Variants in NIBAN2 observed in about 807,000 individuals in gnomAD.
The protein encoded by NIBAN2 is niban apoptosis regulator 2, also known as protein Niban 2.
NIBAN2 carries 36 observed loss-of-function variants against 81.8 expected under a neutral mutation model. The ratio of observed to expected loss-of-function variants is 0.44; its 90% CI spans 0.34 to 0.58. NIBAN2 has a LOEUF of 0.58. NIBAN2 is among the 20% of genes least tolerant of loss of function. The pLI is 0.02. For synonymous variants in NIBAN2, 445 were observed against 441.6 expected, an observed-to-expected ratio of 1.01 and a Z score of -0.10; for missense variants, 897 against 1,014.1, an observed-to-expected ratio of 0.88 and a Z score of 1.57.
At chr9:127,575,466 T>A (rs551277395) in intron 1 of NIBAN2, among the ~76,000 whole-genome samples, 1 of 149,920 alleles carries the variant, frequency 6.7e-6, no homozygotes, top group African/African-American at 2.5e-5. Context: ...GACCTCGTGA[T>A]CCACCCACCC....
At chr9:127,533,175 G>A (rs757467652) in intron 1 of NIBAN2, among the ~76,000 whole-genome samples, 75 of 151,764 alleles carry the variant, frequency 4.9e-4, no homozygotes, top group South Asian at 1.0e-3. Context: ...CAAAACAAAA[G>A]GCTGGGCACG....
At chr9:127,525,334 AG>A (rs1837044058) in intron 3 of NIBAN2, among the ~76,000 whole-genome samples, 171 bp from the exon 4 acceptor site, 1 of 152,182 alleles carries the variant, frequency 6.6e-6, no homozygotes, top group African/African-American at 2.4e-5. Context: ...TGATTGGGGC[AG>A]TGTGGCATCC....
intron 1 of NIBAN2, among the ~76,000 whole-genome samples, chr9:127,553,649 G>A (rs1837617497): frequency 6.6e-6 from 1 of 152,230 alleles, no homozygotes; most frequent in South Asian, 2.1e-4. Flanking sequence ...GCCTCGTGCA[G>A]CGCATGCTTC....
At chr9:127,515,990 G>T (rs1323791856) in intron 8 of NIBAN2, among the ~76,000 whole-genome samples, 1 of 151,944 alleles carries the variant, frequency 6.6e-6, no homozygotes, top group African/African-American at 2.4e-5. Context: ...ATACAAAAAT[G>T]TGCTGGGCGT....
rs751800076 is a variant in NIBAN2, at chr9:127,508,397, C to CG, written c.1434+24dup. On this transcript the variant is annotated intron_variant, in intron 11 of 13. Coordinates refer to ENST00000373312, the MANE Select transcript of NIBAN2 (RefSeq NM_022833.4). The surrounding 1 kb of genome is among the most constrained non-coding windows in gnomAD (Gnocchi z 6.4). ...GGGCTCGGCCTCGCCTAGGACGGTCCGGGGCAGGGCGTGGGGCCGCTCACC... is the reference window on the plus strand; with the variant it reads ...GGGCTCGGCCTCGCCTAGGACGGTCCGGGGGCAGGGCGTGGGGCCGCTCACC... The CG allele has an allele frequency of 1.1e-5, 17 of 1,579,952 alleles. No individual in the cohort carries two copies. The highest frequency in any genetic ancestry group is 1.5e-5 in the Non-Finnish European group (17 of 1,157,502).
chr9:127,555,309 A>G (rs1310241753), intron 1 of NIBAN2, among the ~76,000 whole-genome samples: 1 of 152,084 alleles, frequency 6.6e-6, no homozygotes, highest in Admixed American at 6.6e-5. Context: ...GGGGACGACC[A>G]CCCTTACCAG....
At chr9:127,564,742 G>A (rs1837829122) in intron 1 of NIBAN2, among the ~76,000 whole-genome samples, 1 of 151,894 alleles carries the variant, frequency 6.6e-6, no homozygotes. Flanking sequence ...GCATGGTGGT[G>A]CACGCCTGTA....
intron 4 of NIBAN2, 59 bp from the exon 5 acceptor site, chr9:127,523,905 G>A: frequency 1.3e-6 from 2 of 1,546,338 alleles, no homozygotes; most frequent in Non-Finnish European, 8.9e-7. Context: ...ACCAGAGGAT[G>A]TCAGAGAACT....
At position 127,536,429 on chromosome 9, in the gene NIBAN2, C is replaced by G. The variant is rs1837279860; in HGVS notation, c.56-4651G>C. 6.6e-6 allele frequency among the ~76,000 whole-genome samples: 1 copy of G among 152,230 alleles called. No homozygotes were observed. Among genetic ancestry groups the G allele is most frequent in the African/African-American group, 2.4e-5 (1 of 41,458 alleles). On this transcript the variant is annotated intron_variant, in intron 1 of 13. Coordinates refer to ENST00000373312, the MANE Select transcript of NIBAN2 (RefSeq NM_022833.4). The surrounding 1 kb of genome is among the most constrained non-coding windows in gnomAD (Gnocchi z 4.0). Reference sequence around the variant, plus strand: ...TCTGGGGCTGCAGTCCAGGCAGGCCCCACCCAGTACCCCACTTTTCCTTCT... The same window carrying G: ...TCTGGGGCTGCAGTCCAGGCAGGCCGCACCCAGTACCCCACTTTTCCTTCT...
rs1035501813 is a variant in NIBAN2, at chr9:127,545,808, G to C, written c.56-14030C>G. ...TTCCTTTACACCTCGAGGCCGCCTGGTGGGAGGAAGTCCATTCCCATCTTG... is the reference window on the plus strand; with the variant it reads ...TTCCTTTACACCTCGAGGCCGCCTGCTGGGAGGAAGTCCATTCCCATCTTG... On this transcript the variant is annotated intron_variant, in intron 1 of 13. Transcript: ENST00000373312. This position sits in a 1 kb window ranked among gnomAD's most constrained non-coding sequence, Gnocchi z 4.7. Among the ~76,000 whole-genome samples, 5 of 152,178 alleles carry C rather than the reference G, an allele frequency of 3.3e-5. No individual in the cohort carries two copies. Among genetic ancestry groups the C allele is most frequent in the Non-Finnish European group, 7.4e-5 (5 of 68,016 alleles).
At chr9:127,524,842 G>A (rs546028458) in intron 4 of NIBAN2, 3 of 529,540 alleles carry the variant, frequency 5.7e-6, no homozygotes, top group Middle Eastern at 5.1e-4. Flanking sequence ...TGACCCACAG[G>A]TTTACGAGGG....
chr9:127,525,175 AAGAG>A lies in NIBAN2; in HGVS notation c.316-16_316-13del. 6.2e-7 allele frequency: 1 copy of A among 1,607,808 alleles called. No individual in the cohort carries two copies. Among genetic ancestry groups the A allele is most frequent in the East Asian group, 2.2e-5 (1 of 44,856 alleles). On this transcript the variant is annotated splice_polypyrimidine_tract_variant and intron_variant, in intron 3 of 13. Transcript: ENST00000373312. ...TGCCGCTCATAGGCCTGAGGGAGGC[AAGAG>A]AGAGGGTCCCTGAGGGTTAAGGTGC... is the stretch of plus-strand genomic sequence containing the variant.
intron 2 of NIBAN2, among the ~76,000 whole-genome samples, chr9:127,530,248 C>G (rs1244000505): frequency 6.6e-6 from 1 of 152,234 alleles, no homozygotes; most frequent in Non-Finnish European, 1.5e-5. Context: ...AAGAGGCAAC[C>G]TTTTCTGGGT....
chr9:127,525,046 G>A lies in NIBAN2; in HGVS notation c.421+12C>T, dbSNP rs756400986. 2 of 1,597,378 alleles carry A rather than the reference G, an allele frequency of 1.3e-6. No homozygotes were observed. The highest frequency in any genetic ancestry group is 2.2e-5 in the South Asian group (2 of 90,680). ...TGCAGGGCATTGTGGCCTGGGATGG[G>A]TGCTCCTTTACCTGGTAAGGAGTTG... is the stretch of plus-strand genomic sequence containing the variant. On this transcript the variant is annotated intron_variant, in intron 4 of 13. Transcript: ENST00000373312.
intron 2 of NIBAN2, among the ~76,000 whole-genome samples, chr9:127,530,906 T>C (rs1451487520): frequency 6.6e-6 from 1 of 151,994 alleles, no homozygotes. Flanking sequence ...AGGCTAGGCA[T>C]GGTGGCTCAC....
chr9:127,523,436 C>T (rs1189827026), intron 5 of NIBAN2, among the ~76,000 whole-genome samples: 1 of 151,258 alleles, frequency 6.6e-6, no homozygotes, highest in Non-Finnish European at 1.5e-5. Context: ...GGTCCAAGGG[C>T]TCAACAACCA....
chr9:127,570,566 C>T (rs1251958800), upstream of NIBAN2, among the ~76,000 whole-genome samples: 2 of 152,220 alleles, frequency 1.3e-5, no homozygotes, highest in Non-Finnish European at 2.9e-5. Flanking sequence ...TCTCAATGAA[C>T]AGAACGTGTC....
At chr9:127,550,529 C>T (rs996446227) in intron 1 of NIBAN2, among the ~76,000 whole-genome samples, 11 of 152,258 alleles carry the variant, frequency 7.2e-5, no homozygotes, top group African/African-American at 2.4e-4. Context: ...GCATCTAGCA[C>T]AGCACTTTGC....
In NIBAN2 at chr9:127,508,317, C is replaced by T; in HGVS notation, c.1434+105G>A. 2 of 1,313,392 alleles carry T rather than the reference C, an allele frequency of 1.5e-6. No individual in the cohort carries two copies. The highest frequency in any genetic ancestry group is 4.6e-5 in the East Asian group (2 of 43,370). 81.4% of individuals were successfully genotyped at this position (1,313,392 alleles called of 1,614,324 possible). A position where few individuals can be genotyped will look rare whatever the true frequency, so the allele number is the denominator to read the frequency against. On this transcript the variant is annotated intron_variant, in intron 11 of 13. Transcript: ENST00000373312. This position sits in a 1 kb window ranked among gnomAD's most constrained non-coding sequence, Gnocchi z 6.4. ...CGAGTCCTCATCCGCACAAGAGGAC[C>T]ATGGCGCCTCCTTGCAGGGACAGCA...
Sources: gnomAD v4.1 joint callset for allele counts (sites outside exome capture counted in the v4.1 genomes callset) on GRCh38, gnomAD v4.1.1 for gene constraint, Gnocchi (gnomAD v3.1) non-coding constraint, MANE v1.5 for transcripts, NCBI Gene and HGNC (gene_info 2026-07-23, HGNC 2026-07-21) for gene names.